Variants in DPYD observed in about 807,000 individuals in gnomAD.
The protein encoded by DPYD is dihydropyrimidine dehydrogenase, also known as dihydropyrimidine dehydrogenase [NADP(+)].
A neutral mutation model predicts 116.2 loss-of-function variants in DPYD; 109 were observed. The ratio of observed to expected loss-of-function variants is 0.94; its 90% CI spans 0.80 to 1.10. The LOEUF (loss-of-function observed/expected upper bound fraction) is 1.10. DPYD is among the 50% of genes least tolerant of loss of function. The probability of loss-of-function intolerance (pLI) is 0.00; values close to 1 mark genes in which losing one functional copy is unlikely to be tolerated. For synonymous variants in DPYD, 440 were observed against 432.0 expected (o/e 1.02, Z -0.23); for missense variants, 1,302 against 1,254.5 (o/e 1.04, Z -0.57).
intron 7 of DPYD, among the ~76,000 whole-genome samples, chr1:97,689,151 T>C (rs528084000): frequency 6.6e-6 from 1 of 151,772 alleles, no homozygotes; most frequent in South Asian, 2.1e-4. Flanking sequence ...ATTATCTTTA[T>C]TCTCTTGTAA....
At chr1:97,082,063 G>C (rs1649194914) in intron 22 of DPYD, among the ~76,000 whole-genome samples, 1 of 151,902 alleles carries the variant, frequency 6.6e-6, no homozygotes, top group African/African-American at 2.4e-5. Context: ...TTTTCAGTTG[G>C]ATTTTTCTCT....
chr1:97,235,698 T>C (rs888397382), intron 18 of DPYD, among the ~76,000 whole-genome samples: 1 of 152,120 alleles, frequency 6.6e-6, no homozygotes, highest in Non-Finnish European at 1.5e-5. Flanking sequence ...AGTACATCAG[T>C]AGACATACAG....
intron 20 of DPYD, among the ~76,000 whole-genome samples, chr1:97,174,754 C>G (rs1657126944): frequency 6.6e-6 from 1 of 151,978 alleles, no homozygotes; most frequent in African/African-American, 2.4e-5. Context: ...GTTTGCATTT[C>G]TTAAAAAAAT....
chr1:97,696,399 CAGGG>C (rs1661309124), intron 6 of DPYD, among the ~76,000 whole-genome samples: 1 of 151,958 alleles, frequency 6.6e-6, no homozygotes, highest in Non-Finnish European at 1.5e-5. Context: ...AGAAAGAGGT[CAGGG>C]CAGATATGGA....
At chr1:97,484,904 T>A (rs1557744549) in intron 13 of DPYD, among the ~76,000 whole-genome samples, 1 of 152,226 alleles carries the variant, frequency 6.6e-6, no homozygotes, top group African/African-American at 2.4e-5. Context: ...CAGGTAACTA[T>A]GAATTCATCT....
intron 12 of DPYD, among the ~76,000 whole-genome samples, chr1:97,544,501 C>A (rs1225572067): frequency 1.3e-5 from 2 of 152,120 alleles, no homozygotes; most frequent in African/African-American, 4.8e-5. Context: ...GTTTTTAAAG[C>A]ACATGCATGT....
At chr1:97,553,282 A>G (rs996059467) in intron 11 of DPYD, among the ~76,000 whole-genome samples, 1 of 152,032 alleles carries the variant, frequency 6.6e-6, no homozygotes, top group African/African-American at 2.4e-5. Flanking sequence ...TATAGCCATT[A>G]TTTTAATTAT....
intron 13 of DPYD, among the ~76,000 whole-genome samples, chr1:97,467,505 C>A (rs892497080): frequency 1.3e-5 from 2 of 152,150 alleles, no homozygotes; most frequent in Non-Finnish European, 2.9e-5. Context: ...CTGAAATTTA[C>A]CCCTGCTTTA....
At chr1:97,407,587 T>C (rs971226728) in intron 14 of DPYD, among the ~76,000 whole-genome samples, 2 of 152,032 alleles carry the variant, frequency 1.3e-5, no homozygotes, top group Non-Finnish European at 2.9e-5. Context: ...CCTTTTGAAG[T>C]CACAATTATA....
chr1:97,605,345 G>A (rs1655521632), intron 8 of DPYD, among the ~76,000 whole-genome samples: 1 of 152,010 alleles, frequency 6.6e-6, no homozygotes, highest in Admixed American at 6.6e-5. Flanking sequence ...CTGGTGGGAG[G>A]TAACTGAATC....
intron 10 of DPYD, among the ~76,000 whole-genome samples, chr1:97,588,405 G>A (rs1654291749): frequency 6.6e-6 from 1 of 152,000 alleles, no homozygotes; most frequent in Non-Finnish European, 1.5e-5. Context: ...CCTCTTCTCG[G>A]TAATAATTAA....
chr1:97,756,931 A>T (rs1292929504), intron 3 of DPYD, among the ~76,000 whole-genome samples: 1 of 152,146 alleles, frequency 6.6e-6, no homozygotes, highest in Non-Finnish European at 1.5e-5. Context: ...GCATCCTTCA[A>T]GACACAGCAT....
Position 97,762,522 on chromosome 1 carries a change from G to T in DPYD, c.234-22043C>A, listed in dbSNP as rs138668659. ...GGAAAGAGACCAATTATTTCCCCCT[G>T]CTTTTCTCTGTAACTCCATTAAGTC... On this transcript the variant is annotated intron_variant, in intron 3 of 22. Coordinates refer to ENST00000370192, the MANE Select transcript of DPYD (RefSeq NM_000110.4). 3.9e-3 allele frequency among the ~76,000 whole-genome samples: 592 copies of T among 152,102 alleles called. 4 individuals are homozygous for T. The highest frequency in any genetic ancestry group is 0.014 in the African/African-American group (573 of 41,506).
chr1:97,657,213 C>T (rs909113226), intron 8 of DPYD, among the ~76,000 whole-genome samples: 2 of 152,006 alleles, frequency 1.3e-5, no homozygotes, highest in African/African-American at 4.8e-5. Context: ...AGGTAATCCA[C>T]CCACCTCGGC....
In DPYD at chr1:97,729,654, T is replaced by C. The variant is rs573274438; in HGVS notation, c.322-7983A>G. On this transcript the variant is annotated intron_variant, in intron 4 of 22. Coordinates refer to ENST00000370192, the MANE Select transcript of DPYD (RefSeq NM_000110.4). ...ACCAAACCATAAAATATCAATGACA[T>C]GGGGGCATATGAATGGTGGTAAATT... 7.2e-5 allele frequency among the ~76,000 whole-genome samples: 11 copies of C among 152,172 alleles called. No homozygotes were observed. In the South Asian group the frequency reaches 2.1e-3, roughly 29 times the overall value.
chr1:97,264,731 G>A (rs1208104078), intron 18 of DPYD, among the ~76,000 whole-genome samples: 1 of 152,016 alleles, frequency 6.6e-6, no homozygotes. Flanking sequence ...GATCAAAACA[G>A]CACAATTCAA....
chr1:97,881,427 T>C (rs1361018006), intron 2 of DPYD, among the ~76,000 whole-genome samples: 5 of 152,002 alleles, frequency 3.3e-5, no homozygotes, highest in Non-Finnish European at 5.9e-5. Context: ...TATCTTCTTG[T>C]AGCATCCGTA....
chr1:97,907,910 T>C (rs1673724540), intron 1 of DPYD, among the ~76,000 whole-genome samples: 1 of 152,158 alleles, frequency 6.6e-6, no homozygotes, highest in South Asian at 2.1e-4. Flanking sequence ...GTCAACCTTG[T>C]CATATTCCCT....
At chr1:97,499,652 C>T (rs1428316481) in intron 13 of DPYD, among the ~76,000 whole-genome samples, 1 of 151,892 alleles carries the variant, frequency 6.6e-6, no homozygotes, top group African/African-American at 2.4e-5. Context: ...TGACCCTCAA[C>T]ACTTTTCTCA....
Sources: gnomAD v4.1 joint callset for allele counts (sites outside exome capture counted in the v4.1 genomes callset) on GRCh38, gnomAD v4.1.1 for gene constraint, MANE v1.5 for transcripts, NCBI Gene and HGNC (gene_info 2026-07-23, HGNC 2026-07-21) for gene names.